The following AGBL4 variants were observed in gnomAD, a reference collection of about 807,000 sequenced individuals.
AGBL4 encodes cytosolic carboxypeptidase 6.
Under a neutral mutation model 66.4 loss-of-function variants are expected in AGBL4, and 58 were observed. The observed-to-expected ratio is 0.87, with a 90% CI of 0.71 to 1.09. The LOEUF (loss-of-function observed/expected upper bound fraction) is 1.09. Among genes scored for constraint, AGBL4 ranks in the 50% least tolerant of loss-of-function variants. The pLI is 0.00. For missense variants in AGBL4, 579 were observed against 631.0 expected, an observed-to-expected ratio of 0.92 and a Z score of 0.88; for synonymous variants, 234 against 222.9, an observed-to-expected ratio of 1.05 and a Z score of -0.44.
intron 2 of AGBL4, among the ~76,000 whole-genome samples, chr1:49,763,743 T>C (rs1652515833): frequency 2.0e-5 from 3 of 152,184 alleles, no homozygotes; most frequent in African/African-American, 7.2e-5. Context: ...CAGAGCTGCC[T>C]GGTGTCTTTC....
intron 1 of AGBL4, among the ~76,000 whole-genome samples, chr1:50,008,849 A>T (rs1028045578): frequency 6.6e-6 from 1 of 152,136 alleles, no homozygotes; most frequent in Non-Finnish European, 1.5e-5. Context: ...TATTCAAAGG[A>T]TCATTAGAGG....
At chr1:48,588,673 G>GTA (rs1234858456) in intron 10 of AGBL4, among the ~76,000 whole-genome samples, 3 of 151,802 alleles carry the variant, frequency 2.0e-5, no homozygotes, top group Non-Finnish European at 4.4e-5. Context: ...GTGTGTGTGT[G>GTA]TGTGTGTGTG....
chr1:49,488,084 T>G (rs1647106501), intron 3 of AGBL4, among the ~76,000 whole-genome samples: 1 of 151,970 alleles, frequency 6.6e-6, no homozygotes, highest in Non-Finnish European at 1.5e-5. Flanking sequence ...CTTTGTTGAA[T>G]TTTAAAATTT....
intron 6 of AGBL4, among the ~76,000 whole-genome samples, chr1:48,695,237 C>A (rs1204430148): frequency 6.6e-6 from 1 of 152,182 alleles, no homozygotes; most frequent in Non-Finnish European, 1.5e-5. Context: ...GAGAGCCTTC[C>A]AGTTCCTAGT....
intron 1 of AGBL4, among the ~76,000 whole-genome samples, chr1:49,873,268 TATA>T (rs1046382579): frequency 6.6e-6 from 1 of 152,000 alleles, no homozygotes. Flanking sequence ...CTGCTAAAAT[TATA>T]ATAACATGGG....
rs1646846311 is a variant in AGBL4 at position 49,177,082 on chromosome 1, T to C, written c.377+68688A>G. Among the ~76,000 whole-genome samples, 4 of 152,136 alleles carry C rather than the reference T, an allele frequency of 2.6e-5. No individual in the cohort carries two copies. In the South Asian group the frequency reaches 8.3e-4, roughly 31 times the overall value. Reference sequence around the variant, plus strand: ...ATCTGGCCACTAGATCCCATTTTGATTATATCTTGTGAAGACACATGGTAC... The same window carrying C: ...ATCTGGCCACTAGATCCCATTTTGACTATATCTTGTGAAGACACATGGTAC... On this transcript the variant is annotated intron_variant, in intron 4 of 13. Coordinates refer to ENST00000371839, the MANE Select transcript of AGBL4 (RefSeq NM_032785.4).
At chr1:49,166,456 T>G (rs930697161) in intron 4 of AGBL4, among the ~76,000 whole-genome samples, 5 of 152,136 alleles carry the variant, frequency 3.3e-5, no homozygotes, top group Admixed American at 2.0e-4. Context: ...TTTAACTTGG[T>G]TCTGTAGCTA....
intron 6 of AGBL4, among the ~76,000 whole-genome samples, chr1:48,680,376 T>C (rs923927667): frequency 2.0e-5 from 3 of 152,230 alleles, no homozygotes; most frequent in Admixed American, 6.5e-5. Context: ...GTTTGCTTAT[T>C]TGTTTTCCTT....
At chr1:48,931,981 T>C (rs1484232963) in intron 5 of AGBL4, among the ~76,000 whole-genome samples, 4 of 152,152 alleles carry the variant, frequency 2.6e-5, no homozygotes, top group Non-Finnish European at 4.4e-5. Context: ...GGAAAGAGTA[T>C]GGGAGTGAGT....
intron 5 of AGBL4, among the ~76,000 whole-genome samples, chr1:49,020,888 T>C (rs537284061): frequency 6.6e-6 from 1 of 152,248 alleles, no homozygotes; most frequent in African/African-American, 2.4e-5. Flanking sequence ...AAAGACTGAA[T>C]CAGCCTCCTC....
intron 3 of AGBL4, among the ~76,000 whole-genome samples, chr1:49,514,211 T>C (rs375557114): frequency 2.0e-5 from 3 of 152,046 alleles, no homozygotes; most frequent in African/African-American, 7.2e-5. Flanking sequence ...TACCCTTTAT[T>C]TCCTTCTCCT....
At chr1:48,909,417 G>T (rs965856897) in intron 5 of AGBL4, among the ~76,000 whole-genome samples, 1 of 152,144 alleles carries the variant, frequency 6.6e-6, no homozygotes, top group Non-Finnish European at 1.5e-5. Flanking sequence ...GATACAGCAT[G>T]TTCAGATTAG....
At chr1:49,177,557 C>T (rs994144880) in intron 4 of AGBL4, among the ~76,000 whole-genome samples, 2 of 152,126 alleles carry the variant, frequency 1.3e-5, no homozygotes, top group African/African-American at 4.8e-5. Context: ...AAACAGTAAA[C>T]CTGAGTTCCA....
chr1:48,608,205 T>C (rs939709302), intron 9 of AGBL4, among the ~76,000 whole-genome samples: 1 of 152,158 alleles, frequency 6.6e-6, no homozygotes, highest in Non-Finnish European at 1.5e-5. Context: ...AATTCTAGGT[T>C]GAAAGCTTTC....
intron 6 of AGBL4, among the ~76,000 whole-genome samples, chr1:48,737,600 C>T (rs563637651): frequency 2.0e-4 from 30 of 152,246 alleles, no homozygotes; most frequent in Middle Eastern, 3.4e-3. Flanking sequence ...TTGATTCCGA[C>T]GGCACAAAGA....
intron 6 of AGBL4, among the ~76,000 whole-genome samples, chr1:48,829,686 A>G (rs763908934): frequency 8.6e-5 from 13 of 151,986 alleles, no homozygotes; most frequent in Non-Finnish European, 1.0e-4. Flanking sequence ...TTGTTTTTCC[A>G]GGAGTTAAAC....
chr1:49,913,748 C>T (rs1446568893), intron 1 of AGBL4, among the ~76,000 whole-genome samples: 1 of 152,242 alleles, frequency 6.6e-6, no homozygotes. Context: ...CTCTCCATAG[C>T]TTAACATCAC....
chr1:48,776,929 TG>T (rs542629590), intron 6 of AGBL4: 120 of 122,408 alleles, frequency 9.8e-4, no homozygotes, highest in Middle Eastern at 2.0e-3. Context: ...GCTACGGTGC[TG>T]GGGGGGGCGG....
At chr1:48,678,656 C>T (rs1019854296) in intron 6 of AGBL4, among the ~76,000 whole-genome samples, 1 of 152,196 alleles carries the variant, frequency 6.6e-6, no homozygotes, top group African/African-American at 2.4e-5. Flanking sequence ...CTTCAAATAG[C>T]ACCCAGTGAC....
Sources: allele counts gnomAD v4.1 joint callset (sites outside exome capture counted in the v4.1 genomes callset), GRCh38; gene constraint gnomAD v4.1.1; transcripts MANE v1.5; gene names NCBI Gene and HGNC (gene_info 2026-07-23, HGNC 2026-07-21).